The following TBC1D12 variants were observed in gnomAD, a reference collection of about 807,000 sequenced individuals.
TBC1D12 encodes the protein TBC1 domain family, member 12.
TBC1D12 carries 56 observed loss-of-function variants against 86.7 expected under a neutral mutation model. The observed-to-expected ratio is 0.65, with a 90% CI of 0.52 to 0.81. The LOEUF is 0.81. TBC1D12 is among the 30% of genes least tolerant of loss of function. TBC1D12 has a pLI of 0.00. For synonymous variants in TBC1D12, 421 were observed against 411.7 expected (o/e 1.02, Z -0.27); for missense variants, 1,023 against 1,038.8 (o/e 0.98, Z 0.21).
rs1842496249 is a variant in TBC1D12, at chr10:94,534,105, T to A, written c.*1009T>A. 1 of 152,182 alleles carries A rather than the reference T, an allele frequency of 6.6e-6. No individual in the cohort carries two copies. Among genetic ancestry groups the A allele is most frequent in the Admixed American group, 6.5e-5 (1 of 15,284 alleles). The allele number at this position is 152,182 out of a possible 1,614,324, so 9.4% of individuals were successfully genotyped here. A position where few individuals can be genotyped will look rare whatever the true frequency, so the allele number is the denominator to read the frequency against. On this transcript the variant is annotated 3_prime_UTR_variant, in exon 13 of 13. Transcript: ENST00000225235. ...CATAATTTTTCCTAATCAGTGGAAA[T>A]AAGAATAAAAGAAAAAGGTAAAGTT...
intron 2 of TBC1D12, among the ~76,000 whole-genome samples, chr10:94,466,670 C>A (rs2055829116): frequency 6.6e-6 from 1 of 152,060 alleles, no homozygotes; most frequent in Non-Finnish European, 1.5e-5. Context: ...ACTGAAAAAA[C>A]AATACAGAGA....
chr10:94,446,563 A>T (rs1410963238), intron 2 of TBC1D12, among the ~76,000 whole-genome samples: 1 of 151,558 alleles, frequency 6.6e-6, no homozygotes, highest in Non-Finnish European at 1.5e-5. Context: ...TTGAAAAAAA[A>T]TTTTTTTTTG....
At chr10:94,444,911 T>G (rs2055436751) in intron 2 of TBC1D12, among the ~76,000 whole-genome samples, 1 of 150,078 alleles carries the variant, frequency 6.7e-6, no homozygotes, top group Non-Finnish European at 1.5e-5. Flanking sequence ...TTTTTGTATT[T>G]TTAGTAGAGA....
chr10:94,477,416 A>C (rs117268533), intron 3 of TBC1D12, among the ~76,000 whole-genome samples: 1,812 of 152,328 alleles, frequency 0.012, 13 homozygotes, highest in Non-Finnish European at 0.02. Context: ...CAATTGAAAA[A>C]TAGATAATGG....
At chr10:94,531,588 A>C in intron 12 of TBC1D12, 128 bp downstream of exon 12, 3 of 942,396 alleles carry the variant, frequency 3.2e-6, no homozygotes, top group Non-Finnish European at 4.2e-6. Flanking sequence ...GACTTCTAAG[A>C]AGCAAGAGTT....
intron 2 of TBC1D12, among the ~76,000 whole-genome samples, chr10:94,452,645 C>T (rs1407836129): frequency 1.3e-5 from 2 of 152,054 alleles, no homozygotes; most frequent in African/African-American, 4.8e-5. Context: ...GAATAATATT[C>T]TATTGTCTGG....
rs1266597974 is a variant in TBC1D12, at chr10:94,403,138, G to A, written c.525G>A (p.Glu175=). Residue 175 remains glutamate, a synonymous_variant, in exon 1 of 13, where the codon GAG becomes GAA. Coordinates refer to ENST00000225235, the MANE Select transcript of TBC1D12 (RefSeq NM_015188.2). ...RRRPYGRLRL[E]GPGDEDADGA... Reference sequence around the variant, plus strand: ...GCCCCTACGGCCGCCTTCGCCTGGAGGGGCCTGGCGACGAGGACGCGGACG... The same window carrying A: ...GCCCCTACGGCCGCCTTCGCCTGGAAGGGCCTGGCGACGAGGACGCGGACG... The A allele has an allele frequency of 5.7e-6, 8 of 1,403,400 alleles. No individual in the cohort carries two copies. The highest frequency in any genetic ancestry group is 7.4e-6 in the Non-Finnish European group (8 of 1,085,002). 86.9% of individuals were successfully genotyped at this position (1,403,400 alleles called of 1,614,324 possible). A position where few individuals can be genotyped will look rare whatever the true frequency, so the allele number is the denominator to read the frequency against.
At position 94,510,125 on chromosome 10, in the gene TBC1D12, A is replaced by G; in HGVS notation, c.1635A>G (p.Glu545=). The change falls in exon 8 of 13, where the codon GAA becomes GAG. Residue 545 remains glutamate (E), a synonymous_variant. Transcript: ENST00000225235. ...VSVADREASL[E]LIKLDISRTF... The stretch of plus-strand genomic sequence containing the variant: ...TTGCTGATCGAGAGGCCAGTCTGGA[A>G]TTAATTAAGTTGGACATATCCCGTA... 6 of 1,610,190 alleles carry G rather than the reference A, an allele frequency of 3.7e-6. No individual in the cohort carries two copies. The highest frequency in any genetic ancestry group is 1.3e-5 in the African/African-American group (1 of 74,828).
intron 1 of TBC1D12, among the ~76,000 whole-genome samples, chr10:94,436,854 C>T (rs1037574016): frequency 1.1e-4 from 16 of 151,194 alleles, no homozygotes; most frequent in African/African-American, 2.2e-4. Context: ...ACTACAGGCG[C>T]GCACCACCAC....
chr10:94,435,853 G>A (rs1420556051), intron 1 of TBC1D12, among the ~76,000 whole-genome samples: 5 of 152,140 alleles, frequency 3.3e-5, no homozygotes. Flanking sequence ...ACTGACTGTG[G>A]TATGTGGTAG....
intron 1 of TBC1D12, among the ~76,000 whole-genome samples, chr10:94,416,629 A>G (rs2055001721): frequency 6.6e-6 from 1 of 152,166 alleles, no homozygotes; most frequent in African/African-American, 2.4e-5. Context: ...TATTAGGTAA[A>G]CAGAACATTT....
At chr10:94,500,153 C>G in intron 5 of TBC1D12, 68 bp from the exon 6 acceptor site, 1 of 1,375,674 alleles carries the variant, frequency 7.3e-7, no homozygotes, top group Non-Finnish European at 1.0e-6. Flanking sequence ...TAAAGATAAT[C>G]CATCATGCAA....
chr10:94,483,873 G>C (rs2056118495), intron 3 of TBC1D12, among the ~76,000 whole-genome samples: 1 of 152,172 alleles, frequency 6.6e-6, no homozygotes, highest in South Asian at 2.1e-4. Flanking sequence ...GTCCTGGAGA[G>C]TTTCCCCAGT....
Position 94,408,850 on chromosome 10 carries a change from C to T in TBC1D12, c.971+5266C>T, listed in dbSNP as rs147111635. On this transcript the variant is annotated intron_variant, in intron 1 of 12. Coordinates refer to ENST00000225235, the MANE Select transcript of TBC1D12 (RefSeq NM_015188.2). ...GATTTTAAAAGCTCCCCAAAGTGGG[C>T]AGCTTTTTAATACTCTGATATAATT... Among the ~76,000 whole-genome samples the T allele has an allele frequency of 2.2e-3, 335 of 152,236 alleles. 2 individuals carry two copies. Among genetic ancestry groups the T allele is most frequent in the African/African-American group, 7.3e-3 (305 of 41,524 alleles).
chr10:94,495,723 A>ATT (rs141886758), intron 4 of TBC1D12, among the ~76,000 whole-genome samples: 263 of 150,258 alleles, frequency 1.8e-3, no homozygotes, highest in African/African-American at 6.2e-3. Flanking sequence ...CTCTTTCATC[A>ATT]TTTTTTTTTT....
intron 2 of TBC1D12, among the ~76,000 whole-genome samples, chr10:94,473,395 T>A (rs1256596020): frequency 6.6e-6 from 1 of 151,074 alleles, no homozygotes; most frequent in Admixed American, 6.6e-5. Context: ...AAAAAAAAGA[T>A]TATCAAATTT....
Position 94,531,193 on chromosome 10 carries a change from TA to T in TBC1D12, c.2001-7del. 1 of 1,597,626 alleles carries T rather than the reference TA, an allele frequency of 6.3e-7. No individual in the cohort carries two copies. Among genetic ancestry groups the T allele is most frequent in the Non-Finnish European group, 8.6e-7 (1 of 1,169,544 alleles). On this transcript the variant is annotated splice_polypyrimidine_tract_variant and splice_region_variant and intron_variant, in intron 11 of 12. Coordinates refer to ENST00000225235, the MANE Select transcript of TBC1D12 (RefSeq NM_015188.2). ...AAATTTCAGTGACCATTTTTCCCTC[TA>T]ATTTTAGGATCTTCACACTATATAG...
chr10:94,428,242 G>A (rs1463117543), intron 1 of TBC1D12, among the ~76,000 whole-genome samples: 1 of 150,722 alleles, frequency 6.6e-6, no homozygotes, highest in Non-Finnish European at 1.5e-5. Flanking sequence ...AATCCTAGGA[G>A]AATTTGATGA....
At chr10:94,531,758 T>TG (rs1404616993) in intron 12 of TBC1D12, among the ~76,000 whole-genome samples, 3,760 of 137,074 alleles carry the variant, frequency 0.027, 368 homozygotes, top group Middle Eastern at 0.056. Flanking sequence ...TGTTATTTTA[T>TG]TTTATTTTAT....
Sources: gnomAD v4.1 joint callset for allele counts (sites outside exome capture counted in the v4.1 genomes callset) on GRCh38, gnomAD v4.1.1 for gene constraint, MANE v1.5 for transcripts, NCBI Gene and HGNC (gene_info 2026-07-23, HGNC 2026-07-21) for gene names.